Variants in PRXL2B observed in about 807,000 individuals in gnomAD.
PRXL2B encodes prostamide/prostaglandin F synthase.
A neutral mutation model predicts 24.4 loss-of-function variants in PRXL2B; 26 were observed. The ratio of observed to expected loss-of-function variants is 1.07; its 90% CI spans 0.78 to 1.48. The LOEUF is 1.48. PRXL2B is among the 40% of genes most tolerant of loss of function. The pLI, the probability that PRXL2B is intolerant of heterozygous loss-of-function variation, is 0.00. For missense variants in PRXL2B, 269 were observed against 264.8 expected, an observed-to-expected ratio of 1.02 and a Z score of -0.11; for synonymous variants, 115 against 118.9, an observed-to-expected ratio of 0.97 and a Z score of 0.21.
intron 6 of PRXL2B, 87 bp downstream of exon 6, chr1:2,589,127 G>A: frequency 7.7e-7 from 1 of 1,303,630 alleles, no homozygotes; most frequent in Non-Finnish European, 1.1e-6. Context: ...GCTGGGAGCT[G>A]AGCCACAGCG....
chr1:2,590,981 G>A lies in PRXL2B; in HGVS notation c.*1554G>A, dbSNP rs1181239144. The stretch of plus-strand genomic sequence containing the variant: ...TGGGCGTGGGCCGCACAGCGCGGCA[G>A]GGCCTTGGCTACCACACGCGGCATC... On this transcript the variant is annotated 3_prime_UTR_variant, in exon 7 of 7. Coordinates refer to ENST00000419916, the MANE Select transcript of PRXL2B (RefSeq NM_152371.5). 14 of 1,569,042 alleles carry A rather than the reference G, an allele frequency of 8.9e-6. No individual in the cohort carries two copies. The highest frequency in any genetic ancestry group is 1.1e-5 in the Non-Finnish European group (13 of 1,158,776).
Position 2,590,998 on chromosome 1 carries a change from C to T in PRXL2B, c.*1571C>T, listed in dbSNP as rs577504335. The T allele has an allele frequency of 2.8e-5, 45 of 1,589,054 alleles. No homozygotes were observed. The highest frequency in any genetic ancestry group is 1.1e-4 in the Admixed American group (6 of 56,416). ...GCGCGGCAGGGCCTTGGCTACCACA[C>T]GCGGCATCGCTCCTTGGGGTGCATG... On this transcript the variant is annotated 3_prime_UTR_variant, in exon 7 of 7. Transcript: ENST00000419916.
Position 2,587,036 on chromosome 1 carries a change from G to A in PRXL2B, c.64-55G>A. On this transcript the variant is annotated intron_variant, in intron 1 of 6. Coordinates refer to ENST00000419916, the MANE Select transcript of PRXL2B (RefSeq NM_152371.5). This position sits in a 1 kb window ranked among gnomAD's most constrained non-coding sequence, Gnocchi z 6.1. ...AGCGATGGGGTGGTGGGGGCCGCGG[G>A]GCCTGGGCGGGGCTGGGGGCAACGG... The A allele has an allele frequency of 7.4e-7, 1 of 1,344,882 alleles. No individual in the cohort carries two copies. Among genetic ancestry groups the A allele is most frequent in the Non-Finnish European group, 9.5e-7 (1 of 1,056,748 alleles). The allele number at this position is 1,344,882 out of a possible 1,614,324, so 83.3% of individuals were successfully genotyped here. A position where few individuals can be genotyped will look rare whatever the true frequency, so the allele number is the denominator to read the frequency against.
At position 2,586,956 on chromosome 1, in the gene PRXL2B, C is replaced by A. The variant is rs1007637486; in HGVS notation, c.63+8C>A. The A allele has an allele frequency of 9.5e-6, 11 of 1,153,958 alleles. No homozygotes were observed. The highest frequency in any genetic ancestry group is 3.7e-4 in the Middle Eastern group (1 of 2,720). 71.5% of individuals were successfully genotyped at this position (1,153,958 alleles called of 1,614,324 possible). On this transcript the variant is annotated splice_region_variant and intron_variant, in intron 1 of 6. Coordinates refer to ENST00000419916, the MANE Select transcript of PRXL2B (RefSeq NM_152371.5). ...CATGCGGTGACCGGGGAGGTGAGGC[C>A]GGGTGGACGCAGGGCGGTGGGCGCG...
chr1:2,591,099 G>T lies in PRXL2B; in HGVS notation c.*1672G>T. The T allele has an allele frequency of 6.4e-7, 1 of 1,555,616 alleles. No homozygotes were observed. The highest frequency in any genetic ancestry group is 8.7e-7 in the Non-Finnish European group (1 of 1,151,540). ...CAGCGACCCCAGTACCCTGTGGGTG[G>T]GTGGGTGTGACAGCAGGAGCATTGC... On this transcript the variant is annotated 3_prime_UTR_variant, in exon 7 of 7. Transcript: ENST00000419916.
At chr1:2,589,296 C>A in intron 6 of PRXL2B, 114 bp from the exon 7 acceptor site, 1 of 1,460,418 alleles carries the variant, frequency 6.8e-7, no homozygotes, top group Admixed American at 2.0e-5. Flanking sequence ...GGGTGGCGGG[C>A]AGAGAGGCGT....
At chr1:2,588,764 C>A in intron 5 of PRXL2B, 139 bp downstream of exon 5, 2 of 1,212,440 alleles carry the variant, frequency 1.6e-6, no homozygotes, top group Non-Finnish European at 2.4e-6. Flanking sequence ...TGCGTGTCTG[C>A]TGGGCTGAGT....
At chr1:2,588,793 C>T in intron 5 of PRXL2B, 129 bp from the exon 6 acceptor site, 3 of 1,186,056 alleles carry the variant, frequency 2.5e-6, no homozygotes, top group African/African-American at 1.5e-5. Context: ...GGCAGAACAG[C>T]TCACTCATCT....
Position 2,589,619 on chromosome 1 carries a change from C to A in PRXL2B, c.*192C>A. The A allele has an allele frequency of 1.4e-6, 1 of 730,218 alleles. No individual in the cohort carries two copies. Among genetic ancestry groups the A allele is most frequent in the Non-Finnish European group, 2.3e-6 (1 of 440,074 alleles). 45.2% of individuals were successfully genotyped at this position (730,218 alleles called of 1,614,324 possible). On this transcript the variant is annotated 3_prime_UTR_variant, in exon 7 of 7. Transcript: ENST00000419916. The stretch of plus-strand genomic sequence containing the variant: ...ACTGCTTCGCAGGCTCCGAGCCCTG[C>A]ATCCTCCACAGCCCCCGCCTTGCTC...
In PRXL2B at chr1:2,587,704, G is replaced by T. The variant is rs758090427; in HGVS notation, c.269-37G>T. On this transcript the variant is annotated intron_variant, in intron 2 of 6. Coordinates refer to ENST00000419916, the MANE Select transcript of PRXL2B (RefSeq NM_152371.5). This position sits in a 1 kb window ranked among gnomAD's most constrained non-coding sequence, Gnocchi z 6.1. ...GGTGAGTGGGTTGGGGGCTGGTTCT[G>T]CGCCTGGGGCACACACATGTGGCTT... The T allele has an allele frequency of 6.3e-7, 1 of 1,582,260 alleles. No individual in the cohort carries two copies.
chr1:2,587,723 G>A lies in PRXL2B; in HGVS notation c.269-18G>A, dbSNP rs749353852. On this transcript the variant is annotated intron_variant, in intron 2 of 6. Transcript: ENST00000419916. This position sits in a 1 kb window ranked among gnomAD's most constrained non-coding sequence, Gnocchi z 6.1. Reference sequence around the variant, plus strand: ...GGTTCTGCGCCTGGGGCACACACATGTGGCTTCCGCTTTCCAGAGCTCTAC... The same window carrying A: ...GGTTCTGCGCCTGGGGCACACACATATGGCTTCCGCTTTCCAGAGCTCTAC... 6.3e-7 allele frequency: 1 copy of A among 1,596,856 alleles called. No homozygotes were observed. The highest frequency in any genetic ancestry group is 8.5e-7 in the Non-Finnish European group (1 of 1,171,872).
rs1644557241 is a variant in PRXL2B at position 2,587,602 on chromosome 1, C to G, written c.269-139C>G. The stretch of plus-strand genomic sequence containing the variant: ...ACACTCAGCCCCGTTTTACCCCTCC[C>G]TGCCCTGCGGGGGTGGGCTGAGCAC... On this transcript the variant is annotated intron_variant, in intron 2 of 6. Coordinates refer to ENST00000419916, the MANE Select transcript of PRXL2B (RefSeq NM_152371.5). This position sits in a 1 kb window ranked among gnomAD's most constrained non-coding sequence, Gnocchi z 6.1. 5 of 1,041,600 alleles carry G rather than the reference C, an allele frequency of 4.8e-6. No homozygotes were observed. In the South Asian group the frequency reaches 6.9e-5, roughly 14 times the overall value. The allele number at this position is 1,041,600 out of a possible 1,614,324, so 64.5% of individuals were successfully genotyped here.
chr1:2,590,842 A>G lies in PRXL2B; in HGVS notation c.*1415A>G. 1.8e-6 allele frequency: 1 copy of G among 541,434 alleles called. No homozygotes were observed. Among genetic ancestry groups the G allele is most frequent in the Non-Finnish European group, 3.0e-6 (1 of 334,910 alleles). The allele number at this position is 541,434 out of a possible 1,614,324, so 33.5% of individuals were successfully genotyped here. ...CCCTGGGTGTCAGGCAGGTGGCTGC[A>G]CCCTAGGCCAGGCGCAGAGGCCTGG... On this transcript the variant is annotated 3_prime_UTR_variant, in exon 7 of 7. Coordinates refer to ENST00000419916, the MANE Select transcript of PRXL2B (RefSeq NM_152371.5).
At position 2,591,203 on chromosome 1, in the gene PRXL2B, A is replaced by G. The variant is rs979231855; in HGVS notation, c.*1776A>G. On this transcript the variant is annotated 3_prime_UTR_variant, in exon 7 of 7. Coordinates refer to ENST00000419916, the MANE Select transcript of PRXL2B (RefSeq NM_152371.5). ...AAACATCAGCCTAATGGCTCATGTCAGTATGAGCAGAAACATTTCAACCAT... is the reference window on the plus strand; with the variant it reads ...AAACATCAGCCTAATGGCTCATGTCGGTATGAGCAGAAACATTTCAACCAT... 8.8e-6 allele frequency: 6 copies of G among 678,370 alleles called. No homozygotes were observed. The highest frequency in any genetic ancestry group is 1.5e-5 in the Non-Finnish European group (6 of 410,994). 42.0% of individuals were successfully genotyped at this position (678,370 alleles called of 1,614,324 possible).
intron 5 of PRXL2B, 136 bp downstream of exon 5, chr1:2,588,761 C>T: frequency 8.2e-7 from 1 of 1,212,958 alleles, no homozygotes; most frequent in Non-Finnish European, 1.2e-6. Flanking sequence ...TTCTGCGTGT[C>T]TGCTGGGCTG....
intron 6 of PRXL2B, 38 bp from the exon 7 acceptor site, chr1:2,589,372 G>C: frequency 6.2e-7 from 1 of 1,610,366 alleles, no homozygotes; most frequent in Non-Finnish European, 8.5e-7. Flanking sequence ...GTCTGATCCA[G>C]TGTCCAGCGG....
upstream of PRXL2B, chr1:2,586,610 C>T (rs111285510): frequency 6.4e-3 from 4,213 of 655,864 alleles, 127 homozygotes; most frequent in African/African-American, 0.074. Context: ...GGAAACAAGG[C>T]GGGACTAGGG....
chr1:2,587,727 C>T lies in PRXL2B; in HGVS notation c.269-14C>T. The T allele has an allele frequency of 6.3e-7, 1 of 1,597,480 alleles. No individual in the cohort carries two copies. Among genetic ancestry groups the T allele is most frequent in the Non-Finnish European group, 8.5e-7 (1 of 1,172,146 alleles). On this transcript the variant is annotated splice_polypyrimidine_tract_variant and intron_variant, in intron 2 of 6. Transcript: ENST00000419916. This position sits in a 1 kb window ranked among gnomAD's most constrained non-coding sequence, Gnocchi z 6.1. ...CTGCGCCTGGGGCACACACATGTGGCTTCCGCTTTCCAGAGCTCTACCTGG... is the reference window on the plus strand; with the variant it reads ...CTGCGCCTGGGGCACACACATGTGGTTTCCGCTTTCCAGAGCTCTACCTGG...
rs920894175 is a variant in PRXL2B at position 2,589,454 on chromosome 1, G to T, written c.*27G>T. On this transcript the variant is annotated 3_prime_UTR_variant, in exon 7 of 7. Transcript: ENST00000419916. The stretch of plus-strand genomic sequence containing the variant: ...GGAGGCGAAGGCCCTGGCCTCCGAG[G>T]ATCTGGGTGGCGTCTGCTGCCCTAG... 1.2e-6 allele frequency: 2 copies of T among 1,613,658 alleles called. No individual in the cohort carries two copies. Among genetic ancestry groups the T allele is most frequent in the African/African-American group, 2.7e-5 (2 of 74,942 alleles).
Sources: gnomAD v4.1 joint callset for allele counts on GRCh38, gnomAD v4.1.1 for gene constraint, Gnocchi (gnomAD v3.1) non-coding constraint, MANE v1.5 for transcripts, NCBI Gene and HGNC (gene_info 2026-07-23, HGNC 2026-07-21) for gene names.